LMBR1: variants seen among roughly 807,000 people sequenced by gnomAD.
LMBR1 encodes limb development membrane protein 1.
Under a neutral mutation model 73.9 loss-of-function variants are expected in LMBR1, and 52 were observed. The observed-to-expected ratio is 0.70, with a 90% CI of 0.56 to 0.89. The LOEUF (loss-of-function observed/expected upper bound fraction) is 0.89, where lower values mean the gene tolerates loss of function less well. Among genes scored for constraint, LMBR1 ranks in the 40% least tolerant of loss-of-function variants. The pLI is 0.00. For missense variants in LMBR1, 539 were observed against 579.8 expected (o/e 0.93, Z 0.72); for synonymous variants, 215 against 209.4 (o/e 1.03, Z -0.23).
intron 1 of LMBR1, among the ~76,000 whole-genome samples, chr7:156,841,343 G>C (rs1031246427): frequency 6.6e-6 from 1 of 151,990 alleles, no homozygotes; most frequent in African/African-American, 2.4e-5. Flanking sequence ...CCATTCAGAA[G>C]AAAGGGCCAG....
rs1563643734 is a variant in LMBR1, at chr7:156,891,214, ATATATAT to A, written c.66+1707_66+1713del. Among the ~76,000 whole-genome samples, 96 of 49,700 alleles carry A rather than the reference ATATATAT, an allele frequency of 1.9e-3. 5 individuals carry two copies. The East Asian group carries it at 0.038, about 20-fold the overall frequency. 32.6% of individuals were successfully genotyped at this position (49,700 alleles called of 152,430 possible). ...ACAAAAAAAAAAAAAAAAAAAAAAT[ATATATAT>A]ATATATATATATACACACACACACA... is the stretch of plus-strand genomic sequence containing the variant. On this transcript the variant is annotated intron_variant, in intron 1 of 16. Coordinates refer to ENST00000353442, the MANE Select transcript of LMBR1 (RefSeq NM_022458.4).
intron 1 of LMBR1, among the ~76,000 whole-genome samples, chr7:156,875,959 T>C (rs1429916681): frequency 1.3e-5 from 2 of 149,844 alleles, no homozygotes; most frequent in African/African-American, 4.9e-5. Context: ...ATGAATGGAA[T>C]AGTACCTCAA....
At chr7:156,892,803 GCCGGGGCGGGAGGCGCGAGGCGAGGC>G in intron 1 of LMBR1, 99 bp downstream of exon 1, 1 of 441,972 alleles carries the variant, frequency 2.3e-6, no homozygotes, top group Non-Finnish European at 3.5e-6. Context: ...AGCGGCAGAG[GCCGGGGCGGGAGGCGCGAGGCGAGGC>G]CCGGAGGTGA....
chr7:156,718,592 G>A (rs1053519305), intron 15 of LMBR1, among the ~76,000 whole-genome samples: 7 of 152,068 alleles, frequency 4.6e-5, no homozygotes, highest in South Asian at 2.1e-4. Flanking sequence ...CAGGTGTGGT[G>A]GTGTGGTGTA....
intron 9 of LMBR1, among the ~76,000 whole-genome samples, chr7:156,744,187 G>A (rs1054075742): frequency 1.3e-5 from 2 of 152,106 alleles, no homozygotes; most frequent in Admixed American, 1.3e-4. Context: ...ACAGGTGCGT[G>A]CCGCCACACT....
rs538376357 is a variant in LMBR1 at position 156,729,311 on chromosome 7, G to A, written c.839-591C>T. Among the ~76,000 whole-genome samples, 17 of 152,122 alleles carry A rather than the reference G, an allele frequency of 1.1e-4. No homozygotes were observed. The East Asian group carries it at 3.3e-3, about 29-fold the overall frequency. ...TAGGCCTTCTATAGCCACAGGTTCT[G>A]CAATAATTTTCTACCATATGTGGAT... is the stretch of plus-strand genomic sequence containing the variant. On this transcript the variant is annotated intron_variant, in intron 10 of 16. Transcript: ENST00000353442.
intron 5 of LMBR1, among the ~76,000 whole-genome samples, chr7:156,785,631 T>A (rs1198169826): frequency 2.0e-5 from 3 of 152,128 alleles, no homozygotes; most frequent in Admixed American, 1.3e-4. Flanking sequence ...TTTGCCCTGT[T>A]TGCTACAGAG....
At chr7:156,713,518 T>C (rs1245534952) in intron 15 of LMBR1, among the ~76,000 whole-genome samples, 1 of 152,078 alleles carries the variant, frequency 6.6e-6, no homozygotes, top group African/African-American at 2.4e-5. Flanking sequence ...TCTCTGCACT[T>C]TTCCCTCAAT....
At chr7:156,888,536 A>G (rs754898754) in intron 1 of LMBR1, among the ~76,000 whole-genome samples, 16 of 152,216 alleles carry the variant, frequency 1.1e-4, no homozygotes, top group Non-Finnish European at 1.6e-4. Flanking sequence ...TATTCACAAT[A>G]GCCAAAAACA....
At chr7:156,761,719 G>A (rs1823027111) in intron 8 of LMBR1, among the ~76,000 whole-genome samples, 1 of 152,108 alleles carries the variant, frequency 6.6e-6, no homozygotes, top group Non-Finnish European at 1.5e-5. Context: ...GCTCACGCCT[G>A]TAATCCCAGC....
chr7:156,877,551 T>C (rs980373105), intron 1 of LMBR1, among the ~76,000 whole-genome samples: 6 of 152,150 alleles, frequency 3.9e-5, no homozygotes, highest in Non-Finnish European at 7.3e-5. Context: ...AACACCATGA[T>C]CAAGTGGGTT....
At chr7:156,745,663 G>A (rs1405229438) in intron 9 of LMBR1, among the ~76,000 whole-genome samples, 1 of 152,168 alleles carries the variant, frequency 6.6e-6, no homozygotes, top group African/African-American at 2.4e-5. Context: ...ATCTCACTAA[G>A]GGAATTCAGA....
At chr7:156,836,963 T>C in intron 1 of LMBR1, 78 bp from the exon 2 acceptor site, 1 of 904,346 alleles carries the variant, frequency 1.1e-6, no homozygotes, top group Non-Finnish European at 1.7e-6. Flanking sequence ...ATCTGTGATA[T>C]TTATAGGAAA....
intron 9 of LMBR1, among the ~76,000 whole-genome samples, chr7:156,752,731 G>A (rs970781180): frequency 1.3e-5 from 2 of 152,166 alleles, no homozygotes; most frequent in Admixed American, 1.3e-4. Flanking sequence ...TCATCCAGGA[G>A]AATGTAAAGT....
intron 4 of LMBR1, among the ~76,000 whole-genome samples, chr7:156,804,974 CAT>C (rs1199680637): frequency 6.6e-6 from 1 of 152,088 alleles, no homozygotes; most frequent in Non-Finnish European, 1.5e-5. Context: ...TTAGGATTTA[CAT>C]TTAAGTCGAT....
intron 5 of LMBR1, among the ~76,000 whole-genome samples, chr7:156,781,732 C>T (rs1026145251): frequency 3.3e-5 from 5 of 152,164 alleles, no homozygotes; most frequent in Non-Finnish European, 7.3e-5. Context: ...ACCATCCTCC[C>T]AACCAAGTCA....
At chr7:156,672,185 GATTT>G (rs2131674170) in intron 4 of LMBR1, among the ~76,000 whole-genome samples, 2 of 152,294 alleles carry the variant, frequency 1.3e-5, no homozygotes, top group Admixed American at 1.3e-4. Flanking sequence ...CCCTCCCTGA[GATTT>G]ATTTGGTATA....
At chr7:156,794,847 G>A (rs957084217) in intron 5 of LMBR1, among the ~76,000 whole-genome samples, 4 of 152,108 alleles carry the variant, frequency 2.6e-5, no homozygotes, top group Admixed American at 2.6e-4. Context: ...TCTGCACTGT[G>A]TGGGGCATGT....
At chr7:156,696,469 A>C (rs1808304564) in intron 15 of LMBR1, among the ~76,000 whole-genome samples, 1 of 152,216 alleles carries the variant, frequency 6.6e-6, no homozygotes, top group African/African-American at 2.4e-5. Flanking sequence ...ATGCTGATAA[A>C]GACATACCCG....
Sources: allele counts gnomAD v4.1 joint callset (sites outside exome capture counted in the v4.1 genomes callset), GRCh38; gene constraint gnomAD v4.1.1; transcripts MANE v1.5; gene names NCBI Gene and HGNC (gene_info 2026-07-23, HGNC 2026-07-21).